NUP210: variants seen among roughly 807,000 people sequenced by gnomAD.
The protein encoded by NUP210 is nucleoporin 210, also known as nuclear pore membrane glycoprotein 210.
Under a neutral mutation model 196.0 loss-of-function variants are expected in NUP210, and 151 were observed. The ratio of observed to expected loss-of-function variants is 0.77; its 90% CI spans 0.67 to 0.88. The LOEUF (loss-of-function observed/expected upper bound fraction) is 0.88, where lower values mean the gene tolerates loss of function less well. Among genes scored for constraint, NUP210 ranks in the 40% least tolerant of loss-of-function variants. The pLI, the probability that NUP210 is intolerant of heterozygous loss-of-function variation, is 0.00. For missense variants in NUP210, 2,314 were observed against 2,493.7 expected (o/e 0.93, Z 1.53); for synonymous variants, 1,070 against 1,052.7 (o/e 1.02, Z -0.32).
At chr3:13,338,813 G>A (rs1476418040) in intron 25 of NUP210, among the ~76,000 whole-genome samples, 1 of 152,114 alleles carries the variant, frequency 6.6e-6, no homozygotes, top group Non-Finnish European at 1.5e-5. Flanking sequence ...CCTTTCCCCA[G>A]CACCTCCCCA....
rs561387173 is a variant in NUP210, at chr3:13,414,393, C to T, written c.167+5667G>A. Among the ~76,000 whole-genome samples the T allele has an allele frequency of 2.4e-4, 37 of 152,338 alleles. 1 individual carries two copies. The South Asian group carries it at 7.3e-3, about 30-fold the overall frequency. ...GACACTTCCTGGCACTTCCCTGCTGCGGGCCTGGTGAAGGGAGTTGAGCAA... is the reference window on the plus strand; with the variant it reads ...GACACTTCCTGGCACTTCCCTGCTGTGGGCCTGGTGAAGGGAGTTGAGCAA... On this transcript the variant is annotated intron_variant, in intron 1 of 39. Transcript: ENST00000254508.
At chr3:13,332,497 C>G (rs553781084) in intron 28 of NUP210, 113 bp from the exon 29 acceptor site, 7 of 786,616 alleles carry the variant, frequency 8.9e-6, no homozygotes, top group African/African-American at 1.7e-5. Flanking sequence ...AGGAGAAAAG[C>G]GGCTTTCTCG....
At chr3:13,396,182 A>G (rs1016545144) in intron 3 of NUP210, among the ~76,000 whole-genome samples, 3 of 152,190 alleles carry the variant, frequency 2.0e-5, no homozygotes, top group Non-Finnish European at 4.4e-5. Flanking sequence ...ACTAACATCT[A>G]GTACGTAGAG....
intron 1 of NUP210, among the ~76,000 whole-genome samples, chr3:13,404,824 T>C (rs949015092): frequency 6.6e-6 from 1 of 152,224 alleles, no homozygotes; most frequent in African/African-American, 2.4e-5. Context: ...GCCAGTCATG[T>C]GCAAGTCGGG....
chr3:13,341,675 A>G (rs1697500650), intron 23 of NUP210, 73 bp downstream of exon 23: 2 of 1,542,732 alleles, frequency 1.3e-6, no homozygotes, highest in East Asian at 2.3e-5. Flanking sequence ...AGCTTCCTGG[A>G]CTGTACTATA....
At chr3:13,343,336 T>TGGGGGGGGGGGGGGGGGGGGGGGGGGGG in intron 20 of NUP210, 33 bp from the exon 21 acceptor site, 1 of 260,404 alleles carries the variant, frequency 3.8e-6, no homozygotes, top group African/African-American at 6.9e-5. Flanking sequence ...GAGGGGTGGG[T>TGGGGGGGGGGGGGGGGGGGGGGGGGGGG]GGTGGGTTAC....
chr3:13,386,452 A>G, intron 5 of NUP210, 45 bp from the exon 6 acceptor site: 1 of 1,610,822 alleles, frequency 6.2e-7, no homozygotes, highest in Non-Finnish European at 8.5e-7. Flanking sequence ...CGGACAGGGA[A>G]TGGGGAAGTG....
chr3:13,358,077 C>T (rs1698242981), intron 16 of NUP210, 145 bp downstream of exon 16: 1 of 675,108 alleles, frequency 1.5e-6, no homozygotes, highest in Admixed American at 3.2e-5. Context: ...AACCAGCGTC[C>T]TCACAGGGCC....
chr3:13,373,626 T>C, intron 12 of NUP210, 92 bp downstream of exon 12: 1 of 1,319,188 alleles, frequency 7.6e-7, no homozygotes, highest in Non-Finnish European at 1.1e-6. Context: ...AGGTTGGGGG[T>C]GTTTCTGAGT....
intron 1 of NUP210, among the ~76,000 whole-genome samples, chr3:13,412,238 T>C (rs113620234): frequency 8.2e-6 from 1 of 122,018 alleles, no homozygotes. Flanking sequence ...TTTCTTTTTT[T>C]TTTTTTTTTA....
chr3:13,384,207 C>T lies in NUP210; in HGVS notation c.817+2068G>A, dbSNP rs867194576. ...CGAACCCCTGACCTCGTGATCCGCCCGCCTCAGCCTCCCAAAGTGCTGGGA... is the reference window on the plus strand; with the variant it reads ...CGAACCCCTGACCTCGTGATCCGCCTGCCTCAGCCTCCCAAAGTGCTGGGA... On this transcript the variant is annotated intron_variant, in intron 6 of 39. Coordinates refer to ENST00000254508, the MANE Select transcript of NUP210 (RefSeq NM_024923.4). Among the ~76,000 whole-genome samples, 7 of 152,162 alleles carry T rather than the reference C, an allele frequency of 4.6e-5. No individual in the cohort carries two copies. The South Asian group carries it at 6.2e-4, about 13-fold the overall frequency.
intron 15 of NUP210, among the ~76,000 whole-genome samples, chr3:13,359,352 T>C (rs762925735): frequency 1.3e-5 from 2 of 152,206 alleles, no homozygotes; most frequent in Non-Finnish European, 2.9e-5. Flanking sequence ...TATTGTATTA[T>C]TTATTATGAT....
rs1481226084 is a variant in NUP210 at position 13,340,695 on chromosome 3, C to T, written c.3229-397G>A. On this transcript the variant is annotated intron_variant, in intron 23 of 39. Coordinates refer to ENST00000254508, the MANE Select transcript of NUP210 (RefSeq NM_024923.4). This position sits in a 1 kb window ranked among gnomAD's most constrained non-coding sequence, Gnocchi z 4.0. ...CATTAGCAATGTACAGCCCCAGCCA[C>T]CTGGCCTGTGGAGCCAGGGGTGGCC... 6.6e-6 allele frequency among the ~76,000 whole-genome samples: 1 copy of T among 152,150 alleles called. No individual in the cohort carries two copies. Among genetic ancestry groups the T allele is most frequent in the East Asian group, 1.9e-4 (1 of 5,166 alleles).
At position 13,420,193 on chromosome 3, in the gene NUP210, T is replaced by TCAG. The variant is rs754160698; in HGVS notation, c.31_33dup (p.Leu11dup). On this transcript the variant is annotated inframe_insertion, in exon 1 of 40. Coordinates refer to ENST00000254508, the MANE Select transcript of NUP210 (RefSeq NM_024923.4). The surrounding 1 kb of genome is among the most constrained non-coding windows in gnomAD (Gnocchi z 4.8). Reference sequence around the variant, plus strand: ...CCCGCCGCCAACAGCACCGACAGCGTCAGCAGCAGCAGCCCCCGGCCCCGC... The same window carrying TCAG: ...CCCGCCGCCAACAGCACCGACAGCGTCAGCAGCAGCAGCAGCCCCCGGCCCCGC... The TCAG allele has an allele frequency of 4.1e-6, 5 of 1,220,808 alleles. No individual in the cohort carries two copies. Among genetic ancestry groups the TCAG allele is most frequent in the Admixed American group, 3.3e-5 (1 of 30,560 alleles). The allele number at this position is 1,220,808 out of a possible 1,614,324, so 75.6% of individuals were successfully genotyped here.
In NUP210 at chr3:13,379,615, C is replaced by T. The variant is rs369154725; in HGVS notation, c.924G>A (p.Ser308=). 3.2e-5 allele frequency: 52 copies of T among 1,613,964 alleles called. No homozygotes were observed. In the Middle Eastern group the frequency reaches 6.6e-4, roughly 20 times the overall value. ...GTCCCAGCTGCAGTGCAGTGACCAT[C>T]GACGTGTCCTGGGCCAAGACAGCCA... The part of the protein sequence containing the change: ...RPVAVLAQDT[S]MVTALQLGQS... The change falls in exon 7 of 40, where the codon TCG becomes TCA. Residue 308 remains serine, a synonymous_variant. Coordinates refer to ENST00000254508, the MANE Select transcript of NUP210 (RefSeq NM_024923.4). The surrounding 1 kb of genome is among the most constrained non-coding windows in gnomAD (Gnocchi z 4.2).
intron 13 of NUP210, among the ~76,000 whole-genome samples, chr3:13,367,112 G>C (rs1226144365): frequency 6.6e-6 from 1 of 150,628 alleles, no homozygotes; most frequent in Non-Finnish European, 1.5e-5. Context: ...GGCAATAAGA[G>C]TGAAACTCTG....
chr3:13,372,879 C>T (rs936416929), intron 12 of NUP210, among the ~76,000 whole-genome samples: 3 of 152,160 alleles, frequency 2.0e-5, no homozygotes, highest in East Asian at 1.9e-4. Context: ...GGCTGCTGGG[C>T]GAACAGTGGC....
At chr3:13,418,391 G>A (rs1272122686) in intron 1 of NUP210, among the ~76,000 whole-genome samples, 1 of 152,124 alleles carries the variant, frequency 6.6e-6, no homozygotes, top group Admixed American at 6.5e-5. Context: ...TCAGGAGTTC[G>A]AGACCAGCCT....
chr3:13,323,559 G>A lies in NUP210; in HGVS notation c.4645-127C>T. ...CCGTTTCACAGGTGGCAACACTGAG[G>A]CTCAAAGCCTAAACGCCTTGCTAGA... On this transcript the variant is annotated intron_variant, in intron 33 of 39. Coordinates refer to ENST00000254508, the MANE Select transcript of NUP210 (RefSeq NM_024923.4). This position sits in a 1 kb window ranked among gnomAD's most constrained non-coding sequence, Gnocchi z 4.3. The A allele has an allele frequency of 9.4e-7, 1 of 1,063,972 alleles. No homozygotes were observed. Among genetic ancestry groups the A allele is most frequent in the South Asian group, 1.6e-5 (1 of 64,378 alleles). 65.9% of individuals were successfully genotyped at this position (1,063,972 alleles called of 1,614,324 possible). A position where few individuals can be genotyped will look rare whatever the true frequency, so the allele number is the denominator to read the frequency against.
Sources: gnomAD v4.1 joint callset for allele counts (sites outside exome capture counted in the v4.1 genomes callset) on GRCh38, gnomAD v4.1.1 for gene constraint, Gnocchi (gnomAD v3.1) non-coding constraint, MANE v1.5 for transcripts, NCBI Gene and HGNC (gene_info 2026-07-23, HGNC 2026-07-21) for gene names.